Variants in MYO9A observed in about 807,000 individuals in gnomAD.
The protein encoded by MYO9A is unconventional myosin-IXa.
MYO9A carries 103 observed loss-of-function variants against 293.3 expected under a neutral mutation model. The observed-to-expected ratio is 0.35, with a 90% CI of 0.30 to 0.41. The LOEUF (loss-of-function observed/expected upper bound fraction) is 0.41. Among genes scored for constraint, MYO9A ranks in the 10% least tolerant of loss-of-function variants. The pLI is 1.00. For synonymous variants in MYO9A, 1,001 were observed against 1,035.7 expected, an observed-to-expected ratio of 0.97 and a Z score of 0.64; for missense variants, 2,685 against 3,033.0, an observed-to-expected ratio of 0.89 and a Z score of 2.69.
chr15:71,944,625 T>C (rs949666723), intron 15 of MYO9A, among the ~76,000 whole-genome samples: 1 of 152,098 alleles, frequency 6.6e-6, no homozygotes, highest in Non-Finnish European at 1.5e-5. Flanking sequence ...CCCACTAAAT[T>C]ATCTTGGTGC....
intron 39 of MYO9A, among the ~76,000 whole-genome samples, chr15:71,848,299 G>GAAAT (rs1220996306): frequency 1.3e-5 from 2 of 151,860 alleles, no homozygotes; most frequent in East Asian, 3.9e-4. Context: ...GCAAACCAAG[G>GAAAT]AAATAAATTA....
At chr15:72,108,720 T>A (rs2080662599) in intron 1 of MYO9A, among the ~76,000 whole-genome samples, 1 of 151,444 alleles carries the variant, frequency 6.6e-6, no homozygotes, top group South Asian at 2.1e-4. Flanking sequence ...TCTTAGAAAA[T>A]ATATACGAAG....
At chr15:72,099,721 G>C (rs2080203367) in intron 1 of MYO9A, among the ~76,000 whole-genome samples, 1 of 151,670 alleles carries the variant, frequency 6.6e-6, no homozygotes, top group Non-Finnish European at 1.5e-5. Context: ...GACCAATATG[G>C]TGAAACCCTG....
intron 32 of MYO9A, among the ~76,000 whole-genome samples, chr15:71,867,111 A>C (rs144101986): frequency 1.8e-3 from 266 of 149,054 alleles, no homozygotes; most frequent in African/African-American, 6.8e-3. Flanking sequence ...CAAAACAAGC[A>C]TAATGGGAAA....
At chr15:72,069,382 G>A (rs926875695) in intron 1 of MYO9A, among the ~76,000 whole-genome samples, 6 of 151,538 alleles carry the variant, frequency 4.0e-5, no homozygotes, top group Non-Finnish European at 8.8e-5. Flanking sequence ...GCTTGTTAAG[G>A]GTAGAATATT....
intron 18 of MYO9A, among the ~76,000 whole-genome samples, chr15:71,931,552 T>G (rs966154799): frequency 1.3e-5 from 2 of 152,188 alleles, no homozygotes; most frequent in African/African-American, 4.8e-5. Context: ...ACAAATTGAT[T>G]ATAACATGTC....
intron 27 of MYO9A, among the ~76,000 whole-genome samples, chr15:71,885,925 T>C (rs1240242684): frequency 6.6e-6 from 1 of 152,060 alleles, no homozygotes; most frequent in African/African-American, 2.4e-5. Context: ...GATTCTTGAG[T>C]TGCTCCTTTA....
At chr15:72,008,751 C>A (rs1178308130) in intron 7 of MYO9A, among the ~76,000 whole-genome samples, 1 of 152,132 alleles carries the variant, frequency 6.6e-6, no homozygotes, top group Non-Finnish European at 1.5e-5. Context: ...TCTGACATCT[C>A]AGAGGCATTT....
chr15:71,823,965 C>T lies in MYO9A; in HGVS notation c.*2615G>A, dbSNP rs1300281989. On this transcript the variant is annotated 3_prime_UTR_variant, in exon 42 of 42. Transcript: ENST00000356056. The stretch of plus-strand genomic sequence containing the variant: ...TTACCATGCAGAGGGCCAGTGAGAA[C>T]AGATGGATGCAGACACAGCGTTTGG... 6.6e-6 allele frequency: 1 copy of T among 152,230 alleles called. No homozygotes were observed. The highest frequency in any genetic ancestry group is 1.5e-5 in the Non-Finnish European group (1 of 68,060). 9.4% of individuals were successfully genotyped at this position (152,230 alleles called of 1,614,324 possible).
intron 18 of MYO9A, among the ~76,000 whole-genome samples, chr15:71,922,590 G>A (rs1049827508): frequency 2.4e-4 from 1 of 4,144 alleles, no homozygotes; most frequent in African/African-American, 1.2e-3. Context: ...GACCAGTGTT[G>A]TCCCTTTCCC....
chr15:71,899,919 G>A lies in MYO9A; in HGVS notation c.3238C>T (p.Leu1080Phe), dbSNP rs1567246415. Reference sequence around the variant, plus strand: ...TGAGCACGCCAGGAAGCTTGGAGAAGAGCAGCTGCACTAGCCATAACAAAA... The same window carrying A: ...TGAGCACGCCAGGAAGCTTGGAGAAAAGCAGCTGCACTAGCCATAACAAAA... Reference protein sequence around the residue: ...DAFVMASAAALLQASWRAHLE... With the variant: ...DAFVMASAAAFLQASWRAHLE... Residue 1080 changes from leucine to phenylalanine, a missense_variant, in exon 24 of 42, where the codon CTT (leucine) becomes TTT (phenylalanine). Leu to Phe is a conservative substitution (Grantham distance 22). Around this residue, in one of 10 missense-constraint regions of MYO9A, gnomAD observed 1,434 missense variants for 1,497.7 expected, o/e 0.96. Coordinates refer to ENST00000356056, the MANE Select transcript of MYO9A (RefSeq NM_006901.4). The A allele has an allele frequency of 4.3e-6, 7 of 1,614,082 alleles. No homozygotes were observed. Among genetic ancestry groups the A allele is most frequent in the Middle Eastern group, 1.7e-4 (1 of 6,058 alleles).
intron 2 of MYO9A, among the ~76,000 whole-genome samples, chr15:72,034,107 C>A (rs2077965332): frequency 6.6e-6 from 1 of 152,204 alleles, no homozygotes; most frequent in South Asian, 2.1e-4. Flanking sequence ...CAAGCTGATG[C>A]CCCGGCAACT....
At chr15:72,109,715 C>G (rs1426382198) in intron 1 of MYO9A, among the ~76,000 whole-genome samples, 3 of 151,812 alleles carry the variant, frequency 2.0e-5, no homozygotes, top group South Asian at 2.1e-4. Flanking sequence ...ATGGTGAAAC[C>G]CTGTCTCTAT....
intron 1 of MYO9A, among the ~76,000 whole-genome samples, chr15:72,053,632 T>C (rs1035982205): frequency 6.6e-6 from 1 of 151,888 alleles, no homozygotes; most frequent in Non-Finnish European, 1.5e-5. Context: ...AAGGGAGCAA[T>C]AGACACAAGA....
At chr15:71,902,903 C>T (rs182146520) in intron 22 of MYO9A, 38 bp downstream of exon 22, 94 of 1,404,468 alleles carry the variant, frequency 6.7e-5, no homozygotes, top group Non-Finnish European at 8.3e-5. Flanking sequence ...TAAATAAATG[C>T]ACTCAATTTT....
rs745417812 is a variant in MYO9A at position 71,978,058 on chromosome 15, T to C, written c.1844+113A>G. ...TCTCAAAAATAAATAAAAAAATAAATTGTACAAAAAAAATTTGGCTCTTTA... is the reference window on the plus strand; with the variant it reads ...TCTCAAAAATAAATAAAAAAATAAACTGTACAAAAAAAATTTGGCTCTTTA... On this transcript the variant is annotated intron_variant, in intron 12 of 41. Coordinates refer to ENST00000356056, the MANE Select transcript of MYO9A (RefSeq NM_006901.4). The C allele has an allele frequency of 2.7e-5, 33 of 1,209,270 alleles. No homozygotes were observed. In the East Asian group the frequency reaches 5.4e-4, roughly 20 times the overall value. 74.9% of individuals were successfully genotyped at this position (1,209,270 alleles called of 1,614,324 possible).
intron 1 of MYO9A, among the ~76,000 whole-genome samples, chr15:72,055,493 C>T (rs2078693412): frequency 6.6e-6 from 1 of 152,112 alleles, no homozygotes; most frequent in South Asian, 2.1e-4. Flanking sequence ...ATTAAAGAGC[C>T]TTTGCACAGA....
chr15:71,836,635 T>C (rs539048915), intron 39 of MYO9A, among the ~76,000 whole-genome samples: 2 of 152,190 alleles, frequency 1.3e-5, no homozygotes, highest in African/African-American at 4.8e-5. Context: ...TATACAGTTA[T>C]GAAAATGAGC....
chr15:72,053,337 C>T (rs956654858), intron 1 of MYO9A, among the ~76,000 whole-genome samples: 11 of 151,770 alleles, frequency 7.2e-5, no homozygotes, highest in African/African-American at 9.7e-5. Context: ...ACTCAGGAGG[C>T]GCAGGTTGCA....
Sources: allele counts gnomAD v4.1 joint callset (sites outside exome capture counted in the v4.1 genomes callset), GRCh38; gene constraint gnomAD v4.1.1; regional missense constraint gnomAD v4.1.1; transcripts MANE v1.5; gene names NCBI Gene and HGNC (gene_info 2026-07-23, HGNC 2026-07-21).